Variants in SUMO2 observed in about 807,000 individuals in gnomAD.
SUMO2 encodes the protein small ubiquitin like modifier 2.
SUMO2 carries 1 observed loss-of-function variant against 16.0 expected under a neutral mutation model. The ratio of observed to expected loss-of-function variants is 0.06; its 90% CI spans 0.02 to 0.30. The LOEUF is 0.30. Ranked by LOEUF, SUMO2 falls within the 10% of genes least tolerant of loss-of-function variation. The pLI is 1.00. For synonymous variants in SUMO2, 36 were observed against 40.6 expected (o/e 0.89, Z 0.43); for missense variants, 16 against 117.5 (o/e 0.14, Z 3.99).
At chr17:75,181,392 G>A (rs577882037) in intron 1 of SUMO2, among the ~76,000 whole-genome samples, 2 of 152,158 alleles carry the variant, frequency 1.3e-5, no homozygotes, top group East Asian at 3.9e-4. Flanking sequence ...TGTCAGATAC[G>A]GAAAAGCCTA....
rs918725392 is a variant in SUMO2, at chr17:75,167,791, A to C, written c.*548T>G. On this transcript the variant is annotated 3_prime_UTR_variant, in exon 4 of 4. Coordinates refer to ENST00000420826, the MANE Select transcript of SUMO2 (RefSeq NM_006937.4). ...GCTTGACTTGAAGGGAAAACTATCT[A>C]GGATTCTTTTTTGTTTTAGAGTAAT... 1 of 157,096 alleles carries C rather than the reference A, an allele frequency of 6.4e-6. No homozygotes were observed. The highest frequency in any genetic ancestry group is 1.5e-5 in the Non-Finnish European group (1 of 68,058). 9.7% of individuals were successfully genotyped at this position (157,096 alleles called of 1,614,324 possible).
At chr17:75,181,364 G>T (rs570132558) in intron 1 of SUMO2, among the ~76,000 whole-genome samples, 176 bp from the exon 2 acceptor site, 1 of 152,106 alleles carries the variant, frequency 6.6e-6, no homozygotes, top group Non-Finnish European at 1.5e-5. Flanking sequence ...AAATCCTGCA[G>T]TAACAGTATT....
chr17:75,171,529 A>T (rs564547200), intron 3 of SUMO2, among the ~76,000 whole-genome samples: 26 of 151,700 alleles, frequency 1.7e-4, no homozygotes, highest in South Asian at 6.3e-4. Flanking sequence ...ATAAAAAAAT[A>T]AAAAAAAGCT....
intron 3 of SUMO2, among the ~76,000 whole-genome samples, chr17:75,173,785 G>C (rs1275495458): frequency 6.6e-6 from 1 of 152,136 alleles, no homozygotes; most frequent in Non-Finnish European, 1.5e-5. Context: ...GCTCTCATGA[G>C]CCACCCTGCT....
chr17:75,171,391 G>A (rs988188650), intron 3 of SUMO2, among the ~76,000 whole-genome samples: 3 of 151,676 alleles, frequency 2.0e-5, no homozygotes, highest in African/African-American at 7.2e-5. Flanking sequence ...GTGGGCGCCT[G>A]TAATCCCAGC....
At chr17:75,171,946 C>A (rs955522410) in intron 3 of SUMO2, among the ~76,000 whole-genome samples, 1 of 151,642 alleles carries the variant, frequency 6.6e-6, no homozygotes, top group Non-Finnish European at 1.5e-5. Context: ...AAATGAGGTT[C>A]CTGTACCAGC....
In SUMO2 at chr17:75,177,988, C is replaced by CAAAAAAAAA. The variant is rs59613076; in HGVS notation, c.153+3060_153+3068dup. ...TGACCGACAAAGCGAGACTCCGTCT[C>CAAAAAAAAA]AAAAAAAAAAAAAAAAAAAAAAAGA... On this transcript the variant is annotated intron_variant, in intron 2 of 3. Transcript: ENST00000420826. 1.9e-3 allele frequency among the ~76,000 whole-genome samples: 125 copies of CAAAAAAAAA among 66,402 alleles called. 9 individuals are homozygous for CAAAAAAAAA. The highest frequency in any genetic ancestry group is 7.6e-3 in the African/African-American group (112 of 14,790). The allele number at this position is 66,402 out of a possible 152,430, so 43.6% of individuals were successfully genotyped here.
intron 3 of SUMO2, among the ~76,000 whole-genome samples, chr17:75,172,585 G>A (rs1598223109): frequency 6.6e-6 from 1 of 150,970 alleles, no homozygotes; most frequent in Non-Finnish European, 1.5e-5. Context: ...GGGTTCAAGC[G>A]ATTCTCCTGC....
chr17:75,177,375 G>T (rs892729142), intron 2 of SUMO2, among the ~76,000 whole-genome samples: 2 of 151,142 alleles, frequency 1.3e-5, no homozygotes, highest in African/African-American at 4.9e-5. Context: ...CAAAAAAAAA[G>T]AAATTAAAAA....
chr17:75,169,921 G>C (rs969687765), intron 3 of SUMO2, among the ~76,000 whole-genome samples: 1 of 150,990 alleles, frequency 6.6e-6, no homozygotes, highest in African/African-American at 2.4e-5. Context: ...TTGGGAGGCC[G>C]AGGCAGGCAG....
Position 75,174,835 on chromosome 17 carries a change from T to G in SUMO2, c.154-12A>C. ...CTCATTGACAATCCCTGAACGAGAA[T>G]TTAAAAGCAATAAACAGCATTAAGA... On this transcript the variant is annotated splice_polypyrimidine_tract_variant and intron_variant, in intron 2 of 3. Coordinates refer to ENST00000420826, the MANE Select transcript of SUMO2 (RefSeq NM_006937.4). 1.2e-6 allele frequency: 2 copies of G among 1,611,112 alleles called. No individual in the cohort carries two copies. Among genetic ancestry groups the G allele is most frequent in the South Asian group, 2.2e-5 (2 of 90,398 alleles).
chr17:75,174,572 A>G (rs1374422212), intron 3 of SUMO2, among the ~76,000 whole-genome samples, 180 bp downstream of exon 3: 3 of 152,170 alleles, frequency 2.0e-5, no homozygotes, highest in Non-Finnish European at 4.4e-5. Context: ...AATGAATAAA[A>G]ACCATTGGCA....
chr17:75,171,711 C>T (rs1267139742), intron 3 of SUMO2, among the ~76,000 whole-genome samples: 1 of 152,064 alleles, frequency 6.6e-6, no homozygotes, highest in African/African-American at 2.4e-5. Flanking sequence ...CGGATCCAAA[C>T]AAATAACTCC....
chr17:75,177,171 CAAAA>C (rs55817377), intron 2 of SUMO2, among the ~76,000 whole-genome samples: 9 of 111,626 alleles, frequency 8.1e-5, no homozygotes, highest in Admixed American at 1.9e-4. Flanking sequence ...ACTCTTGTCT[CAAAA>C]AAAAAAAAAA....
At chr17:75,175,540 G>A (rs556656624) in intron 2 of SUMO2, among the ~76,000 whole-genome samples, 6 of 151,640 alleles carry the variant, frequency 4.0e-5, no homozygotes, top group African/African-American at 7.3e-5. Flanking sequence ...GGCTGGTCTC[G>A]AACTCCTGAC....
rs2074688884 is a variant in SUMO2, at chr17:75,165,876, A to G, written c.*2463T>C. On this transcript the variant is annotated 3_prime_UTR_variant, in exon 4 of 4. Coordinates refer to ENST00000420826, the MANE Select transcript of SUMO2 (RefSeq NM_006937.4). Reference sequence around the variant, plus strand: ...CTGTCTCTACTAAAAATACAAAAAAATTAGCCGGGCATGGTGGCGGGCACC... The same window carrying G: ...CTGTCTCTACTAAAAATACAAAAAAGTTAGCCGGGCATGGTGGCGGGCACC... The G allele has an allele frequency of 6.6e-6, 1 of 152,014 alleles. No individual in the cohort carries two copies. The highest frequency in any genetic ancestry group is 2.1e-4 in the South Asian group (1 of 4,812). The allele number at this position is 152,014 out of a possible 1,614,324, so 9.4% of individuals were successfully genotyped here.
In SUMO2 at chr17:75,167,465, T is replaced by TA. The variant is rs2074701815; in HGVS notation, c.*873dup. The TA allele has an allele frequency of 6.6e-6, 1 of 152,158 alleles. No individual in the cohort carries two copies. The highest frequency in any genetic ancestry group is 2.4e-5 in the African/African-American group (1 of 41,450). 9.4% of individuals were successfully genotyped at this position (152,158 alleles called of 1,614,324 possible). On this transcript the variant is annotated 3_prime_UTR_variant, in exon 4 of 4. Transcript: ENST00000420826. The stretch of plus-strand genomic sequence containing the variant: ...ACCCTATGCTCCGTGCCTCACTTAA[T>TA]ATACAGAAAATACCTGGAAATCCAC...
intron 1 of SUMO2, among the ~76,000 whole-genome samples, chr17:75,181,945 T>C (rs939345343): frequency 6.6e-6 from 1 of 151,990 alleles, no homozygotes; most frequent in African/African-American, 2.4e-5. Context: ...TCTGTAGCCC[T>C]AAAACGCTCC....
chr17:75,181,857 TAC>T (rs1024527046), intron 1 of SUMO2, among the ~76,000 whole-genome samples: 7 of 151,968 alleles, frequency 4.6e-5, no homozygotes, highest in African/African-American at 1.2e-4. Flanking sequence ...ATGGGTCAAA[TAC>T]ACAGTTTTAT....
Sources: gnomAD v4.1 joint callset for allele counts (sites outside exome capture counted in the v4.1 genomes callset) on GRCh38, gnomAD v4.1.1 for gene constraint, MANE v1.5 for transcripts, NCBI Gene and HGNC (gene_info 2026-07-23, HGNC 2026-07-21) for gene names.